AGAP1: variants seen among roughly 807,000 people sequenced by gnomAD.
AGAP1 encodes the protein ArfGAP with GTPase domain, ankyrin repeat and PH domain 1, also known as arf-GAP with GTPase, ANK repeat and PH domain-containing protein 1.
In AGAP1, 29 loss-of-function variants were observed where a neutral mutation model predicts 105.3. The ratio of observed to expected loss-of-function variants is 0.28; its 90% CI spans 0.21 to 0.38. AGAP1 has a LOEUF of 0.38. AGAP1 is among the 10% of genes least tolerant of loss of function. The pLI is 1.00. For synonymous variants in AGAP1, 509 were observed against 485.9 expected, an observed-to-expected ratio of 1.05 and a Z score of -0.63; for missense variants, 998 against 1,165.1, an observed-to-expected ratio of 0.86 and a Z score of 2.09.
At chr2:235,857,677 G>C (rs542085815) in intron 9 of AGAP1, among the ~76,000 whole-genome samples, 14 of 152,308 alleles carry the variant, frequency 9.2e-5, no homozygotes, top group Non-Finnish European at 1.2e-4. Context: ...GCACCTCCTC[G>C]GTTTGCCAAC....
In AGAP1 at chr2:235,886,596, G is replaced by A. The variant is rs55803838; in HGVS notation, c.1155+3147G>A. 7.0e-3 allele frequency among the ~76,000 whole-genome samples: 1,061 copies of A among 152,270 alleles called. 8 individuals carry two copies. The highest frequency in any genetic ancestry group is 0.025 in the African/African-American group (1,031 of 41,550). Reference sequence around the variant, plus strand: ...GTATGCATGAATCTTACTGGAGTACGGAAGAGGGGCGCAATGGGGCTTTGT... The same window carrying A: ...GTATGCATGAATCTTACTGGAGTACAGAAGAGGGGCGCAATGGGGCTTTGT... On this transcript the variant is annotated intron_variant, in intron 10 of 17. Transcript: ENST00000304032.
At chr2:236,107,375 C>T (rs2059525844) in intron 16 of AGAP1, among the ~76,000 whole-genome samples, 1 of 152,234 alleles carries the variant, frequency 6.6e-6, no homozygotes. Context: ...CTCACGCATC[C>T]TCCCTGCCGG....
At chr2:235,756,120 G>A (rs904907437) in intron 6 of AGAP1, among the ~76,000 whole-genome samples, 2 of 152,122 alleles carry the variant, frequency 1.3e-5, no homozygotes, top group Non-Finnish European at 2.9e-5. Flanking sequence ...CAGCACTGTC[G>A]TTCCCTGCAG....
chr2:236,102,280 G>C (rs1488218151), intron 16 of AGAP1, among the ~76,000 whole-genome samples: 1 of 151,416 alleles, frequency 6.6e-6, no homozygotes, highest in Non-Finnish European at 1.5e-5. Flanking sequence ...AGCCGGGCGT[G>C]GTGGCGGGTG....
Position 235,874,498 on chromosome 2 carries a change from C to T in AGAP1, c.1051-8847C>T, listed in dbSNP as rs1192320806. On this transcript the variant is annotated intron_variant, in intron 9 of 17. Transcript: ENST00000304032. The surrounding 1 kb of genome is among the most constrained non-coding windows in gnomAD (Gnocchi z 4.5). The stretch of plus-strand genomic sequence containing the variant: ...CTGTGGTTATAGTTGCTGTCCATCA[C>T]TCTAGGTGCTTTCACCTAGGCAGAG... Among the ~76,000 whole-genome samples the T allele has an allele frequency of 6.6e-6, 1 of 152,214 alleles. No homozygotes were observed. Among genetic ancestry groups the T allele is most frequent in the Non-Finnish European group, 1.5e-5 (1 of 68,044 alleles).
At chr2:235,629,012 A>T (rs1010166758) in intron 1 of AGAP1, among the ~76,000 whole-genome samples, 4 of 152,008 alleles carry the variant, frequency 2.6e-5, no homozygotes, top group Non-Finnish European at 4.4e-5. Flanking sequence ...GGGTTTCACC[A>T]TATTGGCCAG....
intron 1 of AGAP1, among the ~76,000 whole-genome samples, chr2:235,579,868 G>A (rs563638268): frequency 1.6e-4 from 24 of 151,344 alleles, no homozygotes; most frequent in African/African-American, 4.1e-4. Flanking sequence ...CATCACCCCC[G>A]CCCAGGGGAA....
chr2:235,763,435 C>T (rs1312472081), intron 6 of AGAP1, among the ~76,000 whole-genome samples: 1 of 152,166 alleles, frequency 6.6e-6, no homozygotes, highest in East Asian at 1.9e-4. Context: ...GCTTTTGGAC[C>T]CAGTCTCCAA....
chr2:235,907,360 C>G (rs570598171), intron 10 of AGAP1, among the ~76,000 whole-genome samples: 1 of 152,178 alleles, frequency 6.6e-6, no homozygotes, highest in East Asian at 1.9e-4. Context: ...AACCCCAGTG[C>G]TTTGGGAGGC....
chr2:235,687,193 C>G (rs1371268564), intron 1 of AGAP1, among the ~76,000 whole-genome samples: 1 of 152,232 alleles, frequency 6.6e-6, no homozygotes, highest in Admixed American at 6.5e-5. Flanking sequence ...ACAGAAGAAT[C>G]TGGGCATTTG....
In AGAP1 at chr2:235,740,998, C is replaced by G; in HGVS notation, c.346C>G (p.Gln116Glu). ...CAAGAAAGAGATTGTCGTTGATGGA[C>G]AGAGCTATCTGCTGCTGATCAGAGA... ...RFKKEIVVDG[Q>E]SYLLLIRDEG... Residue 116 changes from glutamine (Q) to glutamate (E), a missense_variant, in exon 4 of 18, where the codon CAG (glutamine) becomes GAG (glutamate). Gln to Glu is a conservative substitution (Grantham distance 29, BLOSUM62 2). Around this residue, in one of 3 missense-constraint regions of AGAP1, gnomAD observed 735 missense variants for 833.4 expected, o/e 0.88. Transcript: ENST00000304032. This position sits in a 1 kb window ranked among gnomAD's most constrained non-coding sequence, Gnocchi z 5.7. 3 of 1,614,186 alleles carry G rather than the reference C, an allele frequency of 1.9e-6. No individual in the cohort carries two copies. Among genetic ancestry groups the G allele is most frequent in the Non-Finnish European group, 2.5e-6 (3 of 1,180,014 alleles).
At position 235,754,433 on chromosome 2, in the gene AGAP1, A is replaced by T. The variant is rs1304502296; in HGVS notation, c.673+3945A>T. On this transcript the variant is annotated intron_variant, in intron 6 of 17. Coordinates refer to ENST00000304032, the MANE Select transcript of AGAP1 (RefSeq NM_001037131.3). This position sits in a 1 kb window ranked among gnomAD's most constrained non-coding sequence, Gnocchi z 4.6. ...TAATGTTTGGCTTGTAAATAAAAAA[A>T]AAAAAAAAATCCAGCTGCTTCCATT... 6.6e-6 allele frequency among the ~76,000 whole-genome samples: 1 copy of T among 152,162 alleles called. No individual in the cohort carries two copies. Among genetic ancestry groups the T allele is most frequent in the Non-Finnish European group, 1.5e-5 (1 of 68,026 alleles).
At chr2:236,065,611 G>A (rs1173708211) in intron 16 of AGAP1, among the ~76,000 whole-genome samples, 2 of 152,206 alleles carry the variant, frequency 1.3e-5, no homozygotes, top group East Asian at 1.9e-4. Context: ...AAAAAGGAAC[G>A]CTTTTAAATG....
intron 10 of AGAP1, among the ~76,000 whole-genome samples, chr2:235,884,019 C>A (rs926848435): frequency 6.6e-6 from 1 of 152,106 alleles, no homozygotes; most frequent in African/African-American, 2.4e-5. Flanking sequence ...TAACTTTATT[C>A]TTGGGGAAGA....
intron 13 of AGAP1, among the ~76,000 whole-genome samples, chr2:236,008,141 A>C (rs1391787769): frequency 6.6e-6 from 1 of 152,260 alleles, no homozygotes; most frequent in African/African-American, 2.4e-5. Flanking sequence ...CCGAATAACT[A>C]GACCTAGAAA....
intron 13 of AGAP1, among the ~76,000 whole-genome samples, chr2:235,990,982 C>T (rs1026186223): frequency 1.3e-5 from 2 of 152,180 alleles, no homozygotes; most frequent in African/African-American, 2.4e-5. Context: ...TAGCACAGCC[C>T]AGCAAAGGTG....
chr2:235,604,784 A>G (rs902196951), intron 1 of AGAP1, among the ~76,000 whole-genome samples: 6 of 151,418 alleles, frequency 4.0e-5, no homozygotes, highest in African/African-American at 1.5e-4. Flanking sequence ...GGGTTTCACC[A>G]TGTTAGCCAG....
At chr2:236,106,395 C>T (rs886153614) in intron 16 of AGAP1, among the ~76,000 whole-genome samples, 4 of 152,248 alleles carry the variant, frequency 2.6e-5, no homozygotes, top group Admixed American at 6.5e-5. Flanking sequence ...GCAGGCACTG[C>T]GGCAGCGCAC....
Position 235,556,219 on chromosome 2 carries a change from A to G in AGAP1, c.163+61370A>G, listed in dbSNP as rs12476291. Among the ~76,000 whole-genome samples the G allele has an allele frequency of 0.31, 47,483 of 152,142 alleles. 9,549 individuals carry two copies. The highest frequency in any genetic ancestry group is 0.55 in the African/African-American group (22,997 of 41,478). On this transcript the variant is annotated intron_variant, in intron 1 of 17. Transcript: ENST00000304032. The surrounding 1 kb of genome is among the most constrained non-coding windows in gnomAD (Gnocchi z 5.3). ...AGAGCTGCCCCCTCATGCCTTGGCC[A>G]ATCACAGAGCACCCTTTCTGTCCAG...
Sources: gnomAD v4.1 joint callset for allele counts (sites outside exome capture counted in the v4.1 genomes callset) on GRCh38, gnomAD v4.1.1 for gene constraint, gnomAD v4.1.1 regional missense constraint, Gnocchi (gnomAD v3.1) non-coding constraint, MANE v1.5 for transcripts, NCBI Gene and HGNC (gene_info 2026-07-23, HGNC 2026-07-21) for gene names.